CMTM3: variants seen among roughly 807,000 people sequenced by gnomAD.
The protein encoded by CMTM3 is CKLF like MARVEL transmembrane domain containing 3, also known as CKLF-like MARVEL transmembrane domain-containing protein 3.
Under a neutral mutation model 18.2 loss-of-function variants are expected in CMTM3, and 7 were observed. The observed-to-expected ratio is 0.38, with a 90% CI of 0.22 to 0.72. The LOEUF (loss-of-function observed/expected upper bound fraction) is 0.72, where lower values mean the gene tolerates loss of function less well. Among genes scored for constraint, CMTM3 ranks in the 30% least tolerant of loss-of-function variants. CMTM3 has a pLI of 0.46. For synonymous variants in CMTM3, 109 were observed against 111.2 expected, an observed-to-expected ratio of 0.98 and a Z score of 0.12; for missense variants, 227 against 249.2, an observed-to-expected ratio of 0.91 and a Z score of 0.60.
Position 66,609,435 on chromosome 16 carries a change from G to A in CMTM3, c.304G>A (p.Asp102Asn). 1 of 1,612,424 alleles carries A rather than the reference G, an allele frequency of 6.2e-7. No individual in the cohort carries two copies. The highest frequency in any genetic ancestry group is 8.5e-7 in the Non-Finnish European group (1 of 1,179,496). ...KWQGLCWPMM[D>N]FLRCVTAALI... ...GGGCAGCATGCCCCTCTCTCCCCAG[G>A]ACTTCCTGCGCTGTGTCACCGCGGC... is the stretch of plus-strand genomic sequence containing the variant. The change falls in exon 3 of 5, where the codon GAC (aspartate) becomes AAC (asparagine). Residue 102 changes from aspartate (D) to asparagine (N), a missense_variant and splice_region_variant. Asp to Asn is a conservative substitution (Grantham distance 23). Transcript: ENST00000567572. The surrounding 1 kb of genome is among the most constrained non-coding windows in gnomAD (Gnocchi z 4.4).
rs764783474 is a variant in CMTM3, at chr16:66,604,961, G to C, written c.147+9G>C. The C allele has an allele frequency of 6.7e-7, 1 of 1,492,570 alleles. No homozygotes were observed. Among genetic ancestry groups the C allele is most frequent in the Non-Finnish European group, 8.8e-7 (1 of 1,130,900 alleles). 92.5% of individuals were successfully genotyped at this position (1,492,570 alleles called of 1,614,324 possible). On this transcript the variant is annotated intron_variant, in intron 1 of 4. Coordinates refer to ENST00000567572, the MANE Select transcript of CMTM3 (RefSeq NM_181553.4). ...TCCTGCTGGCCGAGTCGGTGAGTGC[G>C]GCGGGACCCTCGGCCGCCCCGCTAG...
At position 66,612,595 on chromosome 16, in the gene CMTM3, T is replaced by C. The variant is rs2015421080; in HGVS notation, c.521-14T>C. On this transcript the variant is annotated splice_polypyrimidine_tract_variant and intron_variant, in intron 4 of 4. Coordinates refer to ENST00000567572, the MANE Select transcript of CMTM3 (RefSeq NM_181553.4). This position sits in a 1 kb window ranked among gnomAD's most constrained non-coding sequence, Gnocchi z 6.0. ...TGAGCCTCCTGCCAAGCATCCTCTC[T>C]GCTTTCCTTTCAGAAGAGAATTCCG... 6.2e-7 allele frequency: 1 copy of C among 1,613,940 alleles called. No individual in the cohort carries two copies. Among genetic ancestry groups the C allele is most frequent in the Non-Finnish European group, 8.5e-7 (1 of 1,179,936 alleles).
At position 66,605,227 on chromosome 16, in the gene CMTM3, G is replaced by A; in HGVS notation, c.147+275G>A. The A allele has an allele frequency of 3.0e-6, 1 of 333,412 alleles. No individual in the cohort carries two copies. Among genetic ancestry groups the A allele is most frequent in the Non-Finnish European group, 5.5e-6 (1 of 182,270 alleles). 20.7% of individuals were successfully genotyped at this position (333,412 alleles called of 1,614,324 possible). ...TGGGAAGTGGGTGGGGCCCGGGGAT[G>A]TGGGTCCTGCTGTGTGAGCCAGGCG... On this transcript the variant is annotated intron_variant, in intron 1 of 4. Transcript: ENST00000567572. This position sits in a 1 kb window ranked among gnomAD's most constrained non-coding sequence, Gnocchi z 4.6.
In CMTM3 at chr16:66,609,802, A is replaced by C; in HGVS notation, c.400-81A>C. On this transcript the variant is annotated intron_variant, in intron 3 of 4. Coordinates refer to ENST00000567572, the MANE Select transcript of CMTM3 (RefSeq NM_181553.4). The surrounding 1 kb of genome is among the most constrained non-coding windows in gnomAD (Gnocchi z 4.4). Reference sequence around the variant, plus strand: ...CGGGCTGTTTGTCCAAGCAGATCTGAAATGGGCCGTGAGGCTGGGGCAGCA... The same window carrying C: ...CGGGCTGTTTGTCCAAGCAGATCTGCAATGGGCCGTGAGGCTGGGGCAGCA... 2 of 1,613,832 alleles carry C rather than the reference A, an allele frequency of 1.2e-6. No individual in the cohort carries two copies. The highest frequency in any genetic ancestry group is 1.7e-6 in the Non-Finnish European group (2 of 1,179,828).
At position 66,609,770 on chromosome 16, in the gene CMTM3, T is replaced by C. The variant is rs1354336855; in HGVS notation, c.400-113T>C. 6.2e-6 allele frequency: 10 copies of C among 1,604,552 alleles called. No homozygotes were observed. The highest frequency in any genetic ancestry group is 8.5e-6 in the Non-Finnish European group (10 of 1,175,378). ...TCCGTTACTCACAGGGGTCTGTGCC[T>C]GACACTCGGGCTGTTTGTCCAAGCA... On this transcript the variant is annotated intron_variant, in intron 3 of 4. Transcript: ENST00000567572. The surrounding 1 kb of genome is among the most constrained non-coding windows in gnomAD (Gnocchi z 4.4).
Position 66,609,784 on chromosome 16 carries a change from T to A in CMTM3, c.400-99T>A. 6.2e-7 allele frequency: 1 copy of A among 1,611,880 alleles called. No individual in the cohort carries two copies. Among genetic ancestry groups the A allele is most frequent in the Non-Finnish European group, 8.5e-7 (1 of 1,178,988 alleles). ...GGGTCTGTGCCTGACACTCGGGCTG[T>A]TTGTCCAAGCAGATCTGAAATGGGC... On this transcript the variant is annotated intron_variant, in intron 3 of 4. Transcript: ENST00000567572. This position sits in a 1 kb window ranked among gnomAD's most constrained non-coding sequence, Gnocchi z 4.4.
rs2015448855 is a variant in CMTM3 at position 66,613,185 on chromosome 16, A to G, written c.*548A>G. On this transcript the variant is annotated 3_prime_UTR_variant, in exon 5 of 5. Transcript: ENST00000567572. ...CCCTCTTCATTCTTGAAGCAGGGAG[A>G]AATTGACCTTTGCCTTGTCGCCCAG... 1.4e-6 allele frequency: 1 copy of G among 699,900 alleles called. No homozygotes were observed. Among genetic ancestry groups the G allele is most frequent in the Non-Finnish European group, 2.6e-6 (1 of 383,070 alleles). The allele number at this position is 699,900 out of a possible 1,614,324, so 43.4% of individuals were successfully genotyped here. A position where few individuals can be genotyped will look rare whatever the true frequency, so the allele number is the denominator to read the frequency against.
chr16:66,604,689 G>C (rs2015057322), upstream of CMTM3: 1 of 787,398 alleles, frequency 1.3e-6, no homozygotes, highest in South Asian at 6.2e-5. Context: ...CGGGGGATGC[G>C]CCCCTGCGCG....
Position 66,608,241 on chromosome 16 carries a change from G to T in CMTM3, c.148-68G>T. On this transcript the variant is annotated intron_variant, in intron 1 of 4. Coordinates refer to ENST00000567572, the MANE Select transcript of CMTM3 (RefSeq NM_181553.4). The surrounding 1 kb of genome is among the most constrained non-coding windows in gnomAD (Gnocchi z 5.1). ...CTCCTCTATCCTGACCACAGGGCCTGGCTCAGAGGAGCACTGGACAAGGAA... is the reference window on the plus strand; with the variant it reads ...CTCCTCTATCCTGACCACAGGGCCTTGCTCAGAGGAGCACTGGACAAGGAA... 2 of 1,563,650 alleles carry T rather than the reference G, an allele frequency of 1.3e-6. No individual in the cohort carries two copies. Among genetic ancestry groups the T allele is most frequent in the Non-Finnish European group, 1.8e-6 (2 of 1,141,280 alleles).
chr16:66,604,049 TGTGA>T, upstream of CMTM3: 1 of 152,370 alleles, frequency 6.6e-6, no homozygotes, highest in Non-Finnish European at 1.5e-5. Flanking sequence ...TGTGTGTGTG[TGTGA>T]GAGAGAGAGA....
chr16:66,606,476 C>T (rs921049222), intron 1 of CMTM3, among the ~76,000 whole-genome samples: 1 of 152,102 alleles, frequency 6.6e-6, no homozygotes, highest in Admixed American at 6.5e-5. Context: ...GCACCCAAGG[C>T]CATGTGCAGA....
intron 1 of CMTM3, 41 bp downstream of exon 1, chr16:66,604,993 G>T: frequency 7.0e-7 from 1 of 1,425,092 alleles, no homozygotes; most frequent in Non-Finnish European, 9.1e-7. Context: ...CTAGGACTGC[G>T]CGGCTCCTTT....
In CMTM3 at chr16:66,608,521, A is replaced by G; in HGVS notation, c.303+57A>G. ...CCCTGCACAAAGTGGCCAGATGAGGAGTCCAGAGTCGTGCACTTGGGCCCT... is the reference window on the plus strand; with the variant it reads ...CCCTGCACAAAGTGGCCAGATGAGGGGTCCAGAGTCGTGCACTTGGGCCCT... On this transcript the variant is annotated intron_variant, in intron 2 of 4. Transcript: ENST00000567572. This position sits in a 1 kb window ranked among gnomAD's most constrained non-coding sequence, Gnocchi z 5.1. The G allele has an allele frequency of 1.9e-6, 3 of 1,572,778 alleles. No individual in the cohort carries two copies. In the East Asian group the frequency reaches 6.7e-5, roughly 35 times the overall value.
intron 1 of CMTM3, among the ~76,000 whole-genome samples, chr16:66,607,461 A>G (rs2015199049): frequency 1.3e-5 from 2 of 152,180 alleles, no homozygotes; most frequent in South Asian, 4.1e-4. Context: ...AAAACTCCAA[A>G]AGATTTTTTT....
Position 66,610,035 on chromosome 16 carries a change from C to T in CMTM3, c.520+32C>T, listed in dbSNP as rs201478383. The T allele has an allele frequency of 1.1e-4, 182 of 1,610,040 alleles. No homozygotes were observed. The highest frequency in any genetic ancestry group is 1.5e-4 in the Non-Finnish European group (175 of 1,177,706). ...GGCTGCCCTGATCACCCCAGCAGTG[C>T]TGCAACAGGGGCCTGCCCTCCCTCG... On this transcript the variant is annotated intron_variant, in intron 4 of 4. Coordinates refer to ENST00000567572, the MANE Select transcript of CMTM3 (RefSeq NM_181553.4). This position sits in a 1 kb window ranked among gnomAD's most constrained non-coding sequence, Gnocchi z 4.6.
At position 66,612,574 on chromosome 16, in the gene CMTM3, C is replaced by T; in HGVS notation, c.521-35C>T. The T allele has an allele frequency of 6.2e-7, 1 of 1,612,718 alleles. No individual in the cohort carries two copies. The highest frequency in any genetic ancestry group is 1.1e-5 in the South Asian group (1 of 90,798). On this transcript the variant is annotated intron_variant, in intron 4 of 4. Transcript: ENST00000567572. The surrounding 1 kb of genome is among the most constrained non-coding windows in gnomAD (Gnocchi z 6.0). Reference sequence around the variant, plus strand: ...CGTTCCCAGGCACCGCTGCCCTGAGCCTCCTGCCAAGCATCCTCTCTGCTT... The same window carrying T: ...CGTTCCCAGGCACCGCTGCCCTGAGTCTCCTGCCAAGCATCCTCTCTGCTT...
In CMTM3 at chr16:66,612,565, T is replaced by A. The variant is rs781134125; in HGVS notation, c.521-44T>A. On this transcript the variant is annotated intron_variant, in intron 4 of 4. Transcript: ENST00000567572. The surrounding 1 kb of genome is among the most constrained non-coding windows in gnomAD (Gnocchi z 6.0). ...CCCAGAGACCGTTCCCAGGCACCGCTGCCCTGAGCCTCCTGCCAAGCATCC... is the reference window on the plus strand; with the variant it reads ...CCCAGAGACCGTTCCCAGGCACCGCAGCCCTGAGCCTCCTGCCAAGCATCC... 5.6e-6 allele frequency: 9 copies of A among 1,609,076 alleles called. No individual in the cohort carries two copies. In the African/African-American group the frequency reaches 6.7e-5, roughly 12 times the overall value.
chr16:66,611,596 G>A (rs1448181364), intron 4 of CMTM3, among the ~76,000 whole-genome samples: 1 of 152,164 alleles, frequency 6.6e-6, no homozygotes, highest in Non-Finnish European at 1.5e-5. Context: ...AGCTCATGGG[G>A]ACTGACTGGG....
rs754202973 is a variant in CMTM3 at position 66,609,639 on chromosome 16, A to T, written c.399+109A>T. ...CCTGCTGGGGCCCCCCTGGGGTCTC[A>T]TGTGGGTCCCGATGATGATTCCAAA... is the stretch of plus-strand genomic sequence containing the variant. On this transcript the variant is annotated intron_variant, in intron 3 of 4. Transcript: ENST00000567572. This position sits in a 1 kb window ranked among gnomAD's most constrained non-coding sequence, Gnocchi z 4.4. 27 of 1,516,596 alleles carry T rather than the reference A, an allele frequency of 1.8e-5. No homozygotes were observed. Among genetic ancestry groups the T allele is most frequent in the Non-Finnish European group, 2.4e-5 (27 of 1,122,656 alleles). The allele number at this position is 1,516,596 out of a possible 1,614,324, so 93.9% of individuals were successfully genotyped here.
Sources: allele counts gnomAD v4.1 joint callset (sites outside exome capture counted in the v4.1 genomes callset), GRCh38; gene constraint gnomAD v4.1.1; non-coding constraint Gnocchi (gnomAD v3.1); transcripts MANE v1.5; gene names NCBI Gene and HGNC (gene_info 2026-07-23, HGNC 2026-07-21).